The following TTC19 variants were observed in gnomAD, a reference collection of about 807,000 sequenced individuals.
TTC19 encodes the protein tetratricopeptide repeat protein 19, mitochondrial.
Under a neutral mutation model 49.5 loss-of-function variants are expected in TTC19, and 38 were observed. That is an observed-to-expected ratio of 0.77 (90% CI 0.59 to 1.01). TTC19 has a LOEUF of 1.01. Among genes scored for constraint, TTC19 ranks in the 50% least tolerant of loss-of-function variants. The probability of loss-of-function intolerance (pLI) is 0.00; values close to 1 mark genes in which losing one functional copy is unlikely to be tolerated. For missense variants in TTC19, 475 were observed against 477.7 expected, an observed-to-expected ratio of 0.99 and a Z score of 0.05; for synonymous variants, 204 against 185.2, an observed-to-expected ratio of 1.10 and a Z score of -0.83.
Position 16,028,653 on chromosome 17 carries a change from G to C in TTC19, c.*1131G>C, listed in dbSNP as rs1287970365. 1.3e-5 allele frequency: 6 copies of C among 453,540 alleles called. No homozygotes were observed. Among genetic ancestry groups the C allele is most frequent in the Non-Finnish European group, 2.6e-5 (6 of 226,688 alleles). 28.1% of individuals were successfully genotyped at this position (453,540 alleles called of 1,614,324 possible). Reference sequence around the variant, plus strand: ...CTAAGGAAAAAGACAGTTTTTCTAGGTACCATGAAGGAAGATTGACCCTGT... The same window carrying C: ...CTAAGGAAAAAGACAGTTTTTCTAGCTACCATGAAGGAAGATTGACCCTGT... On this transcript the variant is annotated 3_prime_UTR_variant, in exon 10 of 10. Coordinates refer to ENST00000261647, the MANE Select transcript of TTC19 (RefSeq NM_017775.4).
chr17:16,041,458 G>T (rs749379700), intron 2 of TTC19, among the ~76,000 whole-genome samples: 97 of 113,108 alleles, frequency 8.6e-4, no homozygotes, highest in Non-Finnish European at 1.3e-3. Flanking sequence ...TTGTCACCCA[G>T]GCTGGAGTGC....
downstream of TTC19, among the ~76,000 whole-genome samples, chr17:16,033,790 G>A (rs530380476): frequency 1.3e-5 from 2 of 152,218 alleles, no homozygotes; most frequent in African/African-American, 2.4e-5. Flanking sequence ...TGTAGTGAAC[G>A]TACAGACAGA....
At chr17:16,016,210 G>A (rs1372856190) in intron 7 of TTC19, among the ~76,000 whole-genome samples, 1 of 152,064 alleles carries the variant, frequency 6.6e-6, no homozygotes, top group Non-Finnish European at 1.5e-5. Context: ...ATATTTTCAT[G>A]TATCTCAAGT....
intron 9 of TTC19, 101 bp downstream of exon 9, chr17:16,026,803 A>G: frequency 5.0e-6 from 6 of 1,204,932 alleles, no homozygotes; most frequent in South Asian, 1.3e-5. Flanking sequence ...GGGCCAACGA[A>G]TAAACATGTA....
chr17:16,039,028 C>T (rs2057034691), intron 2 of TTC19, among the ~76,000 whole-genome samples: 1 of 152,252 alleles, frequency 6.6e-6, no homozygotes, highest in South Asian at 2.1e-4. Flanking sequence ...CTCCGCCCCC[C>T]AAAGTGCTGG....
downstream of TTC19, among the ~76,000 whole-genome samples, chr17:16,032,712 A>T (rs1363112628): frequency 6.6e-6 from 1 of 152,244 alleles, no homozygotes; most frequent in Non-Finnish European, 1.5e-5. Flanking sequence ...TGAGTAGCAT[A>T]TGAGTGAGGG....
intron 7 of TTC19, among the ~76,000 whole-genome samples, chr17:16,012,643 A>T (rs1027352440): frequency 6.6e-6 from 1 of 151,880 alleles, no homozygotes; most frequent in African/African-American, 2.4e-5. Context: ...GGTTCAAGTG[A>T]TTCTCCTGTC....
At chr17:16,029,546 A>G (rs1971765059), downstream of TTC19, 6 of 231,990 alleles carry the variant, frequency 2.6e-5, no homozygotes, top group South Asian at 3.3e-4. Context: ...GAAGAGTATT[A>G]GGAAGACCTT....
chr17:16,002,200 A>G (rs930114338), intron 3 of TTC19, among the ~76,000 whole-genome samples, 175 bp downstream of exon 3: 7 of 151,796 alleles, frequency 4.6e-5, no homozygotes, highest in African/African-American at 1.7e-4. Context: ...TTTTTTTGAG[A>G]TGGAGCCTCA....
downstream of TTC19, chr17:16,032,222 A>G (rs1972142622): frequency 7.0e-7 from 1 of 1,431,006 alleles, no homozygotes; most frequent in Non-Finnish European, 9.2e-7. Flanking sequence ...CAGGTTTTTG[A>G]CCTGCTACTA....
At chr17:16,043,869 CAA>C (rs2058180820) in intron 2 of TTC19, among the ~76,000 whole-genome samples, 1 of 152,062 alleles carries the variant, frequency 6.6e-6, no homozygotes, top group Non-Finnish European at 1.5e-5. Context: ...ATAGTAATAA[CAA>C]TATTTTTTGA....
downstream of TTC19, chr17:16,032,568 A>G: frequency 7.6e-7 from 1 of 1,311,258 alleles, no homozygotes; most frequent in Non-Finnish European, 1.0e-6. Context: ...GGAGTAGAAT[A>G]GGATTATTGT....
Position 16,024,997 on chromosome 17 carries a change from G to C in TTC19, c.677-20G>C, listed in dbSNP as rs780264767. ...TAACAACCATTTGGGTAGATTTGCT[G>C]ATTCCTCTTTTCTCCTTAGTGGAAG... On this transcript the variant is annotated intron_variant, in intron 7 of 9. Coordinates refer to ENST00000261647, the MANE Select transcript of TTC19 (RefSeq NM_017775.4). 1 of 1,613,572 alleles carries C rather than the reference G, an allele frequency of 6.2e-7. No homozygotes were observed. Among genetic ancestry groups the C allele is most frequent in the South Asian group, 1.1e-5 (1 of 91,044 alleles).
intron 2 of TTC19, among the ~76,000 whole-genome samples, chr17:16,041,805 T>C (rs12602453): frequency 0.13 from 19,731 of 149,964 alleles, 1,265 homozygotes; most frequent in South Asian, 0.21. Flanking sequence ...GGTGCGATCT[T>C]GGCTCACTGC....
intron 2 of TTC19, chr17:16,035,036 A>G (rs1973941111): frequency 1.6e-6 from 2 of 1,222,406 alleles, no homozygotes; most frequent in Admixed American, 2.3e-5. Flanking sequence ...ATGAAAAAAA[A>G]GCAGAATGGT....
rs773900296 is a variant in TTC19, at chr17:16,000,406, G to T, written c.312+161G>T. The T allele has an allele frequency of 2.2e-5, 33 of 1,483,266 alleles. No individual in the cohort carries two copies. In the South Asian group the frequency reaches 4.1e-4, roughly 19 times the overall value. 91.9% of individuals were successfully genotyped at this position (1,483,266 alleles called of 1,614,324 possible). On this transcript the variant is annotated intron_variant, in intron 2 of 9. Transcript: ENST00000261647. Reference sequence around the variant, plus strand: ...AGGTGGGTCATCCGAGAGGGGATTGGAATCCATCCAGGCTTTTCCGACTCT... The same window carrying T: ...AGGTGGGTCATCCGAGAGGGGATTGTAATCCATCCAGGCTTTTCCGACTCT...
intron 7 of TTC19, among the ~76,000 whole-genome samples, chr17:16,011,927 C>A (rs1044877275): frequency 4.6e-5 from 7 of 152,140 alleles, no homozygotes; most frequent in African/African-American, 1.7e-4. Flanking sequence ...ATGTCCTCCT[C>A]CCCAAAACTC....
rs1223562002 is a variant in TTC19, at chr17:16,029,038, T to A, written c.*1516T>A. On this transcript the variant is annotated 3_prime_UTR_variant, in exon 10 of 10. Coordinates refer to ENST00000261647, the MANE Select transcript of TTC19 (RefSeq NM_017775.4). ...AGATAAGATACAATATAAATCAGAC[T>A]GTTTCAGTAGAAACCAGTATTAACG... is the stretch of plus-strand genomic sequence containing the variant. The A allele has an allele frequency of 2.2e-6, 1 of 450,720 alleles. No homozygotes were observed. Among genetic ancestry groups the A allele is most frequent in the South Asian group, 1.6e-5 (1 of 63,132 alleles). 27.9% of individuals were successfully genotyped at this position (450,720 alleles called of 1,614,324 possible).
Position 16,027,741 on chromosome 17 carries a change from C to T in TTC19, c.*219C>T, listed in dbSNP as rs986681161. 1.8e-5 allele frequency: 11 copies of T among 617,758 alleles called. No homozygotes were observed. Among genetic ancestry groups the T allele is most frequent in the African/African-American group, 3.6e-5 (2 of 55,372 alleles). The allele number at this position is 617,758 out of a possible 1,614,324, so 38.3% of individuals were successfully genotyped here. On this transcript the variant is annotated 3_prime_UTR_variant, in exon 10 of 10. Transcript: ENST00000261647. ...AACTGATTATGACCTTTCAGGATGT[C>T]GTCAAGTGATGCTTTCAGTTGTAAC...
Sources: allele counts gnomAD v4.1 joint callset (sites outside exome capture counted in the v4.1 genomes callset), GRCh38; gene constraint gnomAD v4.1.1; transcripts MANE v1.5; gene names NCBI Gene and HGNC (gene_info 2026-07-23, HGNC 2026-07-21).